Variants in RACGAP1 observed in about 807,000 individuals in gnomAD.
RACGAP1 encodes the protein Rac GTPase activating protein 1, also known as rac GTPase-activating protein 1.
Under a neutral mutation model 78.1 loss-of-function variants are expected in RACGAP1, and 30 were observed. The ratio of observed to expected loss-of-function variants is 0.38; its 90% CI spans 0.29 to 0.52. The LOEUF is 0.52. RACGAP1 is among the 20% of genes least tolerant of loss of function. RACGAP1 has a pLI of 0.82. For synonymous variants in RACGAP1, 231 were observed against 264.8 expected (o/e 0.87, Z 1.24); for missense variants, 587 against 777.1 (o/e 0.76, Z 2.91).
At chr12:50,018,179 T>C (rs1949789372) in intron 1 of RACGAP1, among the ~76,000 whole-genome samples, 1 of 148,448 alleles carries the variant, frequency 6.7e-6, no homozygotes. Flanking sequence ...AAAAAGAATA[T>C]ATAAACATGA....
At chr12:50,015,976 G>A (rs1006238197) in intron 2 of RACGAP1, among the ~76,000 whole-genome samples, 5 of 151,314 alleles carry the variant, frequency 3.3e-5, no homozygotes, top group Admixed American at 1.3e-4. Flanking sequence ...GAAAATCCAG[G>A]ATAAAAAAAA....
rs1348496077 is a variant in RACGAP1, at chr12:49,992,664, G to GA, written c.1340-10dup. On this transcript the variant is annotated splice_polypyrimidine_tract_variant and intron_variant, in intron 12 of 16. Coordinates refer to ENST00000312377, the MANE Select transcript of RACGAP1 (RefSeq NM_001319999.2). The stretch of plus-strand genomic sequence containing the variant: ...GTCTTCATCTGTGATTTCTGTAATT[G>GA]AAAAGAAAGCACCAAGAGGCCTAGA... The GA allele has an allele frequency of 5.0e-6, 8 of 1,601,854 alleles. No homozygotes were observed. The highest frequency in any genetic ancestry group is 1.7e-5 in the Admixed American group (1 of 57,164).
chr12:50,029,440 T>C (rs1950311635), upstream of RACGAP1, among the ~76,000 whole-genome samples: 1 of 151,386 alleles, frequency 6.6e-6, no homozygotes, highest in Non-Finnish European at 1.5e-5. Flanking sequence ...GGCATGGTGG[T>C]GTGTGCTTGT....
intron 2 of RACGAP1, among the ~76,000 whole-genome samples, chr12:50,012,883 G>C (rs1208591583): frequency 1.3e-5 from 2 of 151,760 alleles, no homozygotes; most frequent in African/African-American, 4.8e-5. Flanking sequence ...GACCAACATG[G>C]AGAAACCCCG....
At chr12:50,006,701 A>C in intron 2 of RACGAP1, 65 bp from the exon 3 acceptor site, 2 of 1,460,570 alleles carry the variant, frequency 1.4e-6, no homozygotes, top group Admixed American at 3.9e-5. Flanking sequence ...CTAATAAATG[A>C]GTCCTACGGT....
chr12:50,027,188 G>A (rs1309536810), upstream of RACGAP1, among the ~76,000 whole-genome samples: 1 of 152,132 alleles, frequency 6.6e-6, no homozygotes, highest in Non-Finnish European at 1.5e-5. Flanking sequence ...TATTAAGAAA[G>A]GGATGAAGAA....
chr12:50,015,042 C>CAAA (rs35573059), intron 2 of RACGAP1, among the ~76,000 whole-genome samples: 8 of 120,918 alleles, frequency 6.6e-5, no homozygotes, highest in Admixed American at 8.6e-5. Context: ...GATTCTGTCT[C>CAAA]AAAAAAAAAA....
At position 49,990,711 on chromosome 12, in the gene RACGAP1, C is replaced by T. The variant is rs374374601; in HGVS notation, c.1796G>A (p.Arg599His). The T allele has an allele frequency of 5.1e-5, 82 of 1,613,514 alleles. No homozygotes were observed. The highest frequency in any genetic ancestry group is 6.1e-5 in the Non-Finnish European group (72 of 1,179,640). The change falls in exon 16 of 17, where the codon CGT (arginine) becomes CAT (histidine). Residue 599 changes from arginine to histidine, a missense_variant. Arg to His is a conservative substitution (Grantham distance 29). Transcript: ENST00000312377. ...PSSSSLSQRV[R>H]STLTKNTPRF... The stretch of plus-strand genomic sequence containing the variant: ...AGGAGTGTTCTTGGTGAGGGTGGAA[C>T]GGACTCTCTGTGACAGGGAACTAGA...
At chr12:50,008,027 A>C (rs1949072993) in intron 2 of RACGAP1, among the ~76,000 whole-genome samples, 1 of 151,504 alleles carries the variant, frequency 6.6e-6, no homozygotes, top group Non-Finnish European at 1.5e-5. Flanking sequence ...TTTTCATCTG[A>C]CCTAATTTTG....
chr12:50,031,712 A>T (rs1454287094), exon 2 of RACGAP1: 1 of 985,062 alleles, frequency 1.0e-6, no homozygotes, highest in Non-Finnish European at 1.2e-6. Flanking sequence ...AGACAGTTTA[A>T]ACTTAAACGC....
At chr12:50,009,891 T>C (rs192433841) in intron 2 of RACGAP1, among the ~76,000 whole-genome samples, 177 of 152,350 alleles carry the variant, frequency 1.2e-3, no homozygotes, top group African/African-American at 4.2e-3. Flanking sequence ...CTTTTCCTAA[T>C]CAGTTTGCTA....
chr12:50,002,874 A>AG (rs1948766975), intron 5 of RACGAP1, among the ~76,000 whole-genome samples: 1 of 152,078 alleles, frequency 6.6e-6, no homozygotes. Flanking sequence ...ATACAAAAAA[A>AG]TTAGCCAGGC....
At position 50,018,680 on chromosome 12, in the gene RACGAP1, A is replaced by G. The variant is rs1054315155; in HGVS notation, c.-4-1961T>C. 1.0e-4 allele frequency: 64 copies of G among 616,832 alleles called. No homozygotes were observed. The East Asian group carries it at 2.8e-3, about 27-fold the overall frequency. 38.2% of individuals were successfully genotyped at this position (616,832 alleles called of 1,614,324 possible). ...GCATTCACTTATATATCGTGAGACT[A>G]TAAGACAGCTCAATACCACGGCAAA... On this transcript the variant is annotated intron_variant, in intron 1 of 16. Coordinates refer to ENST00000312377, the MANE Select transcript of RACGAP1 (RefSeq NM_001319999.2).
At chr12:50,032,635 G>A (rs1403030104) in intron 1 of RACGAP1, among the ~76,000 whole-genome samples, 2 of 152,214 alleles carry the variant, frequency 1.3e-5, no homozygotes, top group South Asian at 2.1e-4. Flanking sequence ...TCCAGAGTAG[G>A]GAGGGATCCT....
At chr12:49,999,081 C>T in intron 9 of RACGAP1, 60 bp downstream of exon 9, 1 of 1,511,360 alleles carries the variant, frequency 6.6e-7, no homozygotes, top group East Asian at 2.3e-5. Context: ...AACTTTATTC[C>T]TGGTATTTAT....
intron 1 of RACGAP1, chr12:50,018,434 G>A (rs905249982): frequency 1.2e-6 from 1 of 834,416 alleles, no homozygotes; most frequent in Non-Finnish European, 1.7e-6. Context: ...AAACTAAAAG[G>A]ATAGCATTAA....
chr12:49,997,607 CT>C (rs1354216801), intron 9 of RACGAP1, among the ~76,000 whole-genome samples: 6 of 148,180 alleles, frequency 4.0e-5, no homozygotes, highest in African/African-American at 1.5e-4. Context: ...GAGTTTCGCT[CT>C]TGTTGCCCAG....
intron 4 of RACGAP1, 79 bp from the exon 5 acceptor site, chr12:50,004,383 A>C: frequency 1.3e-6 from 2 of 1,530,232 alleles, no homozygotes; most frequent in South Asian, 2.5e-5. Context: ...AACAAGTCCT[A>C]CTGGTCAGGT....
intron 2 of RACGAP1, among the ~76,000 whole-genome samples, chr12:50,007,398 C>G (rs1161434432): frequency 6.6e-6 from 1 of 152,194 alleles, no homozygotes; most frequent in Non-Finnish European, 1.5e-5. Context: ...TCATTCTTAT[C>G]TCCTGCTATT....
Sources: allele counts gnomAD v4.1 joint callset (sites outside exome capture counted in the v4.1 genomes callset), GRCh38; gene constraint gnomAD v4.1.1; transcripts MANE v1.5; gene names NCBI Gene and HGNC (gene_info 2026-07-23, HGNC 2026-07-21).